The following CUL1 variants were observed in gnomAD, a reference collection of about 807,000 sequenced individuals.
CUL1 encodes cullin-1.
CUL1 carries 24 observed loss-of-function variants against 118.0 expected under a neutral mutation model. The ratio of observed to expected loss-of-function variants is 0.20; its 90% CI spans 0.15 to 0.29. The LOEUF (loss-of-function observed/expected upper bound fraction) is 0.29, where lower values mean the gene tolerates loss of function less well. CUL1 is among the 10% of genes least tolerant of loss of function. The pLI is 1.00. For missense variants in CUL1, 361 were observed against 933.8 expected, an observed-to-expected ratio of 0.39 and a Z score of 7.99; for synonymous variants, 332 against 340.4, an observed-to-expected ratio of 0.98 and a Z score of 0.27.
Position 148,766,573 on chromosome 7 carries a change from C to A in CUL1, c.802C>A (p.Leu268Met). The A allele has an allele frequency of 6.2e-7, 1 of 1,603,266 alleles. No individual in the cohort carries two copies. The highest frequency in any genetic ancestry group is 1.1e-5 in the South Asian group (1 of 87,896). Residue 268 changes from leucine to methionine, a missense_variant, in exon 8 of 22, where the codon CTG becomes ATG. Physicochemically the swap from Leu to Met is conservative, Grantham distance 15 (BLOSUM62 2). Transcript: ENST00000325222. Reference protein sequence around the residue: ...TEYMKKAEARLLEEQRRVQVY... With the variant: ...TEYMKKAEARMLEEQRRVQVY... ...TAATTTTCTCCAGGCAGAGGCTCGT[C>A]TGCTTGAGGAACAACGAAGAGTTCA...
At chr7:148,791,891 T>C (rs1472800482) in intron 16 of CUL1, among the ~76,000 whole-genome samples, 1 of 152,200 alleles carries the variant, frequency 6.6e-6, no homozygotes, top group African/African-American at 2.4e-5. Flanking sequence ...CTACCTGTCT[T>C]TTAGAAGATA....
At chr7:148,701,608 T>G (rs1442890821) in intron 1 of CUL1, among the ~76,000 whole-genome samples, 1 of 152,208 alleles carries the variant, frequency 6.6e-6, no homozygotes, top group Non-Finnish European at 1.5e-5. Flanking sequence ...TTAAGGCTCC[T>G]CCTTGTAGAT....
intron 17 of CUL1, among the ~76,000 whole-genome samples, chr7:148,796,815 C>T (rs933617164): frequency 1.3e-5 from 2 of 152,134 alleles, no homozygotes; most frequent in African/African-American, 4.8e-5. Context: ...AGTGGGCACC[C>T]CCGCACCCTG....
At chr7:148,778,234 A>G (rs542101377) in intron 9 of CUL1, among the ~76,000 whole-genome samples, 1 of 152,224 alleles carries the variant, frequency 6.6e-6, no homozygotes, top group East Asian at 1.9e-4. Flanking sequence ...ATGATACAGT[A>G]GAAAAGGCCT....
intron 14 of CUL1, among the ~76,000 whole-genome samples, chr7:148,789,047 G>A (rs1464892199): frequency 6.6e-6 from 1 of 152,206 alleles, no homozygotes; most frequent in African/African-American, 2.4e-5. Context: ...ACTGGGATTA[G>A]GGATCAGTAC....
At chr7:148,706,113 T>C (rs895470675) in intron 1 of CUL1, among the ~76,000 whole-genome samples, 1 of 152,196 alleles carries the variant, frequency 6.6e-6, no homozygotes, top group East Asian at 1.9e-4. Flanking sequence ...TAAAATTACC[T>C]TCAGGCTGTG....
intron 9 of CUL1, among the ~76,000 whole-genome samples, chr7:148,777,562 C>T (rs1800442612): frequency 6.6e-6 from 1 of 152,310 alleles, no homozygotes; most frequent in Non-Finnish European, 1.5e-5. Flanking sequence ...TTACCTGAGT[C>T]TGCACGTGTT....
At chr7:148,700,367 A>T (rs1452848794) in intron 1 of CUL1, among the ~76,000 whole-genome samples, 1 of 152,182 alleles carries the variant, frequency 6.6e-6, no homozygotes, top group Non-Finnish European at 1.5e-5. Context: ...GTGCAGTTTT[A>T]AGTTTAACAC....
chr7:148,771,625 C>G (rs1168639306), intron 9 of CUL1, among the ~76,000 whole-genome samples: 1 of 152,194 alleles, frequency 6.6e-6, no homozygotes, highest in African/African-American at 2.4e-5. Flanking sequence ...TTGTGCTCAA[C>G]TGATATGTGA....
intron 9 of CUL1, among the ~76,000 whole-genome samples, chr7:148,773,935 G>T (rs1373529852): frequency 6.6e-6 from 1 of 152,142 alleles, no homozygotes; most frequent in Non-Finnish European, 1.5e-5. Flanking sequence ...GCTCTATCCA[G>T]TTTTGTGTCC....
chr7:148,792,871 G>A lies in CUL1; in HGVS notation c.1899+53G>A, dbSNP rs551988640. 67 of 1,296,522 alleles carry A rather than the reference G, an allele frequency of 5.2e-5. No individual in the cohort carries two copies. The Middle Eastern group carries it at 7.3e-4, about 14-fold the overall frequency. The allele number at this position is 1,296,522 out of a possible 1,614,324, so 80.3% of individuals were successfully genotyped here. Reference sequence around the variant, plus strand: ...ATCAGCTTGCCGTTTCCTTGTTCTCGTGGATATTGTTAGGAAAGATAAGGA... The same window carrying A: ...ATCAGCTTGCCGTTTCCTTGTTCTCATGGATATTGTTAGGAAAGATAAGGA... On this transcript the variant is annotated intron_variant, in intron 17 of 21. Transcript: ENST00000325222.
intron 1 of CUL1, among the ~76,000 whole-genome samples, chr7:148,721,135 C>T (rs1410422510): frequency 4.6e-5 from 7 of 152,266 alleles, no homozygotes; most frequent in South Asian, 2.1e-4. Context: ...TATCCTTTAA[C>T]GTGCTAAATT....
chr7:148,788,474 A>T, intron 13 of CUL1, 83 bp from the exon 14 acceptor site: 1 of 859,418 alleles, frequency 1.2e-6, no homozygotes, highest in South Asian at 1.5e-5. Flanking sequence ...TATATATTGT[A>T]TACTCTGATT....
chr7:148,784,338 G>T (rs190871707), intron 11 of CUL1, among the ~76,000 whole-genome samples: 1 of 152,164 alleles, frequency 6.6e-6, no homozygotes, highest in Non-Finnish European at 1.5e-5. Flanking sequence ...CACCCTGTTC[G>T]CTTCTGAGAT....
chr7:148,760,081 G>T (rs984907199), intron 6 of CUL1, among the ~76,000 whole-genome samples: 4 of 152,118 alleles, frequency 2.6e-5, no homozygotes, highest in African/African-American at 9.7e-5. Context: ...TTCTCTAAAG[G>T]AACTTCATAA....
At chr7:148,734,374 G>A (rs1798869379) in intron 2 of CUL1, among the ~76,000 whole-genome samples, 1 of 152,116 alleles carries the variant, frequency 6.6e-6, no homozygotes, top group Non-Finnish European at 1.5e-5. Context: ...CCTCCAAGTA[G>A]CTGGGACCAC....
intron 4 of CUL1, among the ~76,000 whole-genome samples, chr7:148,757,841 C>T (rs1006840329): frequency 1.3e-5 from 2 of 152,148 alleles, no homozygotes; most frequent in African/African-American, 4.8e-5. Context: ...CAAGCAAAAG[C>T]GGAAACCCCT....
At chr7:148,734,666 C>G (rs116717170) in intron 2 of CUL1, among the ~76,000 whole-genome samples, 1 of 152,016 alleles carries the variant, frequency 6.6e-6, no homozygotes, top group Non-Finnish European at 1.5e-5. Flanking sequence ...TTATTGACAC[C>G]GCTATATTTC....
intron 1 of CUL1, among the ~76,000 whole-genome samples, chr7:148,707,169 GGAAAATTAGGTCTTTAC>G (rs1438917057): frequency 6.6e-6 from 1 of 152,076 alleles, no homozygotes; most frequent in Non-Finnish European, 1.5e-5. Context: ...CATCGAATGT[GGAAAATTAGGTCTTTAC>G]AGTAGAGATT....
Sources: gnomAD v4.1 joint callset for allele counts (sites outside exome capture counted in the v4.1 genomes callset) on GRCh38, gnomAD v4.1.1 for gene constraint, MANE v1.5 for transcripts, NCBI Gene and HGNC (gene_info 2026-07-23, HGNC 2026-07-21) for gene names.